The following RSPO2 variants were observed in gnomAD, a reference collection of about 807,000 sequenced individuals.
RSPO2 encodes the protein R-spondin 2, also known as R-spondin-2.
A neutral mutation model predicts 30.9 loss-of-function variants in RSPO2; 14 were observed. The ratio of observed to expected loss-of-function variants is 0.45; its 90% CI spans 0.30 to 0.71. RSPO2 has a LOEUF of 0.71. Ranked by LOEUF, RSPO2 falls within the 30% of genes least tolerant of loss-of-function variation. RSPO2 has a pLI of 0.08. For synonymous variants in RSPO2, 107 were observed against 96.4 expected (o/e 1.11, Z -0.64); for missense variants, 264 against 301.9 (o/e 0.87, Z 0.93).
At chr8:107,966,990 A>C (rs1460827332) in intron 3 of RSPO2, among the ~76,000 whole-genome samples, 3 of 152,148 alleles carry the variant, frequency 2.0e-5, no homozygotes, top group African/African-American at 7.2e-5. Flanking sequence ...ATGAAAATCC[A>C]ATTGCTTGTT....
intron 2 of RSPO2, among the ~76,000 whole-genome samples, chr8:108,071,609 T>A (rs928257820): frequency 2.0e-5 from 3 of 152,136 alleles, no homozygotes; most frequent in Non-Finnish European, 2.9e-5. Flanking sequence ...CTTGGATAAG[T>A]AAAAAATATT....
intron 2 of RSPO2, chr8:108,081,797 C>G: frequency 2.1e-6 from 1 of 474,364 alleles, no homozygotes; most frequent in Non-Finnish European, 2.8e-6. Context: ...AGAACAGAAG[C>G]CTCCACCGGT....
chr8:107,928,001 A>T (rs1252163116), intron 5 of RSPO2, among the ~76,000 whole-genome samples: 3 of 152,160 alleles, frequency 2.0e-5, no homozygotes, highest in African/African-American at 7.2e-5. Flanking sequence ...TTAAATATAG[A>T]CCAAAAAAAT....
chr8:107,985,443 G>A (rs945200345), intron 3 of RSPO2, among the ~76,000 whole-genome samples: 1 of 152,062 alleles, frequency 6.6e-6, no homozygotes, highest in African/African-American at 2.4e-5. Context: ...CCATTCAGTA[G>A]AATATTTGCA....
At chr8:108,040,583 GAAC>G (rs1286431200) in intron 2 of RSPO2, among the ~76,000 whole-genome samples, 4 of 152,090 alleles carry the variant, frequency 2.6e-5, no homozygotes, top group Admixed American at 2.6e-4. Flanking sequence ...CTGAAAATGA[GAAC>G]TATCTTCCAG....
intron 5 of RSPO2, among the ~76,000 whole-genome samples, chr8:107,907,455 TAAC>T (rs1235946488): frequency 2.6e-5 from 4 of 152,008 alleles, no homozygotes; most frequent in East Asian, 1.9e-4. Context: ...TTGAAAATAA[TAAC>T]AAGCCACCTG....
rs1811376086 is a variant in RSPO2 at position 107,899,610 on chromosome 8, G to C, written c.*1465C>G. The C allele has an allele frequency of 6.6e-6, 1 of 152,090 alleles. No individual in the cohort carries two copies. Among genetic ancestry groups the C allele is most frequent in the Non-Finnish European group, 1.5e-5 (1 of 67,914 alleles). 9.4% of individuals were successfully genotyped at this position (152,090 alleles called of 1,614,324 possible). A position where few individuals can be genotyped will look rare whatever the true frequency, so the allele number is the denominator to read the frequency against. On this transcript the variant is annotated 3_prime_UTR_variant, in exon 6 of 6. Coordinates refer to ENST00000276659, the MANE Select transcript of RSPO2 (RefSeq NM_178565.5). The stretch of plus-strand genomic sequence containing the variant: ...AAAAGTTAAAAACACTGAAGAGGTA[G>C]TTTTGCCAATGCAAGGTGAAAAAAA...
intron 2 of RSPO2, among the ~76,000 whole-genome samples, chr8:108,015,644 A>T (rs1586629860): frequency 6.7e-6 from 1 of 149,446 alleles, no homozygotes; most frequent in Middle Eastern, 3.5e-3. Context: ...TTGATATCTG[A>T]TCTTAAGTCA....
At chr8:108,025,441 G>GT (rs1811188523) in intron 2 of RSPO2, among the ~76,000 whole-genome samples, 2 of 152,144 alleles carry the variant, frequency 1.3e-5, no homozygotes, top group Admixed American at 1.3e-4. Flanking sequence ...ATAAATGGCA[G>GT]TAAGAGATTA....
rs528556730 is a variant in RSPO2, at chr8:108,034,756, AAAGCTACGTGAT to A, written c.95-45524_95-45513del. ...ATTTTGCTGTGCCCTGGTTATGGTCAAAGCTACGTGATAATCAAATTGTGAAATGGCCAGTCT... is the reference window on the plus strand; with the variant it reads ...ATTTTGCTGTGCCCTGGTTATGGTCAAATCAAATTGTGAAATGGCCAGTCT... On this transcript the variant is annotated intron_variant, in intron 2 of 5. Coordinates refer to ENST00000276659, the MANE Select transcript of RSPO2 (RefSeq NM_178565.5). 4.1e-3 allele frequency among the ~76,000 whole-genome samples: 621 copies of A among 152,322 alleles called. 6 individuals are homozygous for A. The highest frequency in any genetic ancestry group is 0.014 in the African/African-American group (594 of 41,582).
chr8:108,055,831 T>C (rs1490483631), intron 2 of RSPO2, among the ~76,000 whole-genome samples: 1 of 151,942 alleles, frequency 6.6e-6, no homozygotes, highest in Non-Finnish European at 1.5e-5. Flanking sequence ...ATGCCCAACA[T>C]CTCCCACCTA....
chr8:107,928,589 TA>T (rs1402502110), intron 5 of RSPO2, among the ~76,000 whole-genome samples: 7 of 152,298 alleles, frequency 4.6e-5, no homozygotes, highest in African/African-American at 1.4e-4. Flanking sequence ...GGTGAGTTCC[TA>T]AAGTGGATGC....
intron 3 of RSPO2, chr8:107,983,301 T>C (rs1467620588): frequency 6.2e-7 from 1 of 1,604,082 alleles, no homozygotes; most frequent in East Asian, 2.2e-5. Context: ...TGCAAAGGGA[T>C]AGCCATATGA....
intron 2 of RSPO2, among the ~76,000 whole-genome samples, chr8:108,029,097 A>G (rs1353533206): frequency 1.3e-5 from 1 of 76,150 alleles, no homozygotes; most frequent in Admixed American, 1.8e-4. Context: ...TTTTTTGCCT[A>G]AAAAGGAAAT....
At chr8:107,946,631 A>C (rs991657274) in intron 5 of RSPO2, among the ~76,000 whole-genome samples, 2 of 152,214 alleles carry the variant, frequency 1.3e-5, no homozygotes, top group African/African-American at 4.8e-5. Flanking sequence ...AAAATGTGAA[A>C]AATATTGTAT....
chr8:108,033,990 G>T (rs1278631328), intron 2 of RSPO2, among the ~76,000 whole-genome samples: 1 of 152,154 alleles, frequency 6.6e-6, no homozygotes, highest in Non-Finnish European at 1.5e-5. Flanking sequence ...TTTAGAACAT[G>T]AAATCATGGC....
chr8:107,951,050 T>TTTTTTG (rs1554575801), intron 5 of RSPO2, among the ~76,000 whole-genome samples: 1,543 of 69,840 alleles, frequency 0.022, 25 homozygotes, highest in Middle Eastern at 0.05. Flanking sequence ...TAAGTTTTTT[T>TTTTTTG]TTGTTGTTGT....
At chr8:108,075,989 G>GA (rs1163824104) in intron 2 of RSPO2, among the ~76,000 whole-genome samples, 2 of 151,770 alleles carry the variant, frequency 1.3e-5, no homozygotes, top group African/African-American at 4.8e-5. Context: ...AAGATAACCA[G>GA]AAAAAAAGGA....
intron 2 of RSPO2, among the ~76,000 whole-genome samples, chr8:107,990,504 T>C (rs1228508091): frequency 1.3e-5 from 2 of 152,134 alleles, no homozygotes; most frequent in Non-Finnish European, 2.9e-5. Flanking sequence ...ACTAAGGAGA[T>C]GAAAGATCTC....
Sources: allele counts gnomAD v4.1 joint callset (sites outside exome capture counted in the v4.1 genomes callset), GRCh38; gene constraint gnomAD v4.1.1; transcripts MANE v1.5; gene names NCBI Gene and HGNC (gene_info 2026-07-23, HGNC 2026-07-21).